The following CSGALNACT1 variants were observed in gnomAD, a reference collection of about 807,000 sequenced individuals.
CSGALNACT1 encodes the protein beta4GalNAcT-1.
Under a neutral mutation model 51.0 loss-of-function variants are expected in CSGALNACT1, and 52 were observed. That is an observed-to-expected ratio of 1.02 (90% confidence interval 0.82 to 1.29). The LOEUF (loss-of-function observed/expected upper bound fraction) is 1.29. CSGALNACT1 is among the 50% of genes most tolerant of loss of function. The pLI, the probability that CSGALNACT1 is intolerant of heterozygous loss-of-function variation, is 0.00. For missense variants in CSGALNACT1, 935 were observed against 679.2 expected (o/e 1.38, Z -4.19); for synonymous variants, 341 against 254.4 (o/e 1.34, Z -3.24).
chr8:19,539,589 G>A (rs963822127), intron 3 of CSGALNACT1, among the ~76,000 whole-genome samples: 20 of 152,188 alleles, frequency 1.3e-4, no homozygotes, highest in Non-Finnish European at 7.3e-5. Context: ...GCAATATAAT[G>A]CAACCAAGAC....
intron 4 of CSGALNACT1, among the ~76,000 whole-genome samples, chr8:19,488,906 G>A (rs2073740323): frequency 6.6e-6 from 1 of 152,122 alleles, no homozygotes; most frequent in Non-Finnish European, 1.5e-5. Context: ...CTGCTCATGA[G>A]TCACAGCAGA....
chr8:19,446,508 C>A (rs545760104), intron 5 of CSGALNACT1, among the ~76,000 whole-genome samples: 2 of 152,234 alleles, frequency 1.3e-5, no homozygotes, highest in African/African-American at 2.4e-5. Context: ...TTCATTCATT[C>A]ATTCATTCAT....
At chr8:19,730,852 T>C (rs1426993831) in intron 1 of CSGALNACT1, among the ~76,000 whole-genome samples, 2 of 152,198 alleles carry the variant, frequency 1.3e-5, no homozygotes, top group African/African-American at 4.8e-5. Flanking sequence ...CAGACTCCAA[T>C]GGCCACTGGC....
rs146761670 is a variant in CSGALNACT1, at chr8:19,506,767, G to C, written c.-296-637C>G. Among the ~76,000 whole-genome samples the C allele has an allele frequency of 1.8e-3, 281 of 152,262 alleles. 2 individuals are homozygous for C. Among genetic ancestry groups the C allele is most frequent in the African/African-American group, 6.4e-3 (267 of 41,536 alleles). ...CTCCCTCCTGCTCCCACCATATAAT[G>C]CCTGCTGACCGTCACCTTCCACCAT... On this transcript the variant is annotated intron_variant, in intron 3 of 9. Coordinates refer to ENST00000454498, the Ensembl canonical transcript of CSGALNACT1.
In CSGALNACT1 at chr8:19,405,914, G is replaced by A; in HGVS notation, c.1465C>T (p.Gln489Ter). The change falls in exon 10 of 10, where the codon CAG becomes TAG. Residue 489 changes from glutamine (Q) to a stop codon, truncating the protein, a stop_gained. Coordinates refer to ENST00000454498, the Ensembl canonical transcript of CSGALNACT1. LOFTEE classifies it high-confidence loss of function. ...TTGGACTGCATGCACATCTTGTACTGCTCGGGGGTCAGCTCGTCCATGCAG... is the reference window on the plus strand; with the variant it reads ...TTGGACTGCATGCACATCTTGTACTACTCGGGGGTCAGCTCGTCCATGCAG... 6.2e-7 allele frequency: 1 copy of A among 1,614,138 alleles called. No individual in the cohort carries two copies. The highest frequency in any genetic ancestry group is 8.5e-7 in the Non-Finnish European group (1 of 1,180,016).
chr8:19,604,067 C>T (rs1239794653), upstream of CSGALNACT1, among the ~76,000 whole-genome samples: 1 of 152,326 alleles, frequency 6.6e-6, no homozygotes, highest in African/African-American at 2.4e-5. Flanking sequence ...AAAGTCTGCT[C>T]TTCAGCTCTG....
chr8:19,519,970 C>A (rs28581643), intron 3 of CSGALNACT1, among the ~76,000 whole-genome samples: 1 of 152,196 alleles, frequency 6.6e-6, no homozygotes, highest in African/African-American at 2.4e-5. Flanking sequence ...GGTGCCAGCA[C>A]CCACTGTGGC....
At chr8:19,553,869 G>C (rs2088952055) in intron 3 of CSGALNACT1, among the ~76,000 whole-genome samples, 1 of 149,234 alleles carries the variant, frequency 6.7e-6, no homozygotes, top group Non-Finnish European at 1.5e-5. Context: ...ATGTCATGAG[G>C]AAAATAATCA....
chr8:19,602,484 C>G (rs552320926), exon 1 of CSGALNACT1: 13 of 152,730 alleles, frequency 8.5e-5, no homozygotes, highest in African/African-American at 3.1e-4. Context: ...CTGGTGAGGA[C>G]CGAGCGCATC....
chr8:19,411,833 CT>C (rs35593808), intron 8 of CSGALNACT1, among the ~76,000 whole-genome samples: 52,587 of 135,438 alleles, frequency 0.39, 9,954 homozygotes, highest in African/African-American at 0.5. Context: ...CACTATCCTC[CT>C]TTTTTTTTTT....
intron 4 of CSGALNACT1, among the ~76,000 whole-genome samples, chr8:19,490,044 T>C (rs1327984653): frequency 6.6e-6 from 1 of 152,216 alleles, no homozygotes; most frequent in Non-Finnish European, 1.5e-5. Flanking sequence ...CTGGACCATC[T>C]GTTCTTTTGA....
rs901386963 is a variant in CSGALNACT1, at chr8:19,552,641, C to T, written c.-297+38519G>A. Among the ~76,000 whole-genome samples the T allele has an allele frequency of 3.3e-5, 5 of 152,200 alleles. No homozygotes were observed. The South Asian group carries it at 6.2e-4, about 19-fold the overall frequency. On this transcript the variant is annotated intron_variant, in intron 3 of 9. Transcript: ENST00000454498. ...GACTTTTTATACATTAAAAACATGA[C>T]GACATTCAAAATGTGGATGGCACTT...
intron 5 of CSGALNACT1, among the ~76,000 whole-genome samples, chr8:19,450,734 G>A (rs1443997048): frequency 2.6e-5 from 4 of 152,030 alleles, no homozygotes; most frequent in Non-Finnish European, 5.9e-5. Context: ...CTGGGCAACA[G>A]AGCAAGACTT....
chr8:19,680,557 T>TCTCCCCC (rs2060521860), intron 1 of CSGALNACT1, among the ~76,000 whole-genome samples: 1 of 13,782 alleles, frequency 7.3e-5, no homozygotes, highest in East Asian at 2.2e-3. Flanking sequence ...ATCTGCACCC[T>TCTCCCCC]CGCCCCACCC....
intron 1 of CSGALNACT1, among the ~76,000 whole-genome samples, chr8:19,608,002 A>C (rs2051637020): frequency 6.6e-6 from 1 of 152,246 alleles, no homozygotes; most frequent in Non-Finnish European, 1.5e-5. Context: ...TAATGCTTAA[A>C]GTTGTAGACT....
At chr8:19,620,431 T>A (rs1391242016) in intron 1 of CSGALNACT1, among the ~76,000 whole-genome samples, 1 of 101,688 alleles carries the variant, frequency 9.8e-6, no homozygotes, top group African/African-American at 6.0e-5. Context: ...GAAAAGAATC[T>A]TTTTTTTTTT....
chr8:19,676,639 G>A (rs1162609625), intron 1 of CSGALNACT1, among the ~76,000 whole-genome samples: 1 of 152,154 alleles, frequency 6.6e-6, no homozygotes, highest in Admixed American at 6.5e-5. Flanking sequence ...AAGAAATTAA[G>A]ACCAAAAATC....
At chr8:19,456,590 TA>T (rs1292375338) in intron 5 of CSGALNACT1, among the ~76,000 whole-genome samples, 1 of 152,166 alleles carries the variant, frequency 6.6e-6, no homozygotes, top group Non-Finnish European at 1.5e-5. Flanking sequence ...AGGGAAAACC[TA>T]CAGAGAAAGA....
intron 4 of CSGALNACT1, among the ~76,000 whole-genome samples, chr8:19,461,604 G>A (rs796165928): frequency 1.9e-3 from 43 of 22,132 alleles, no homozygotes; most frequent in African/African-American, 3.9e-3. Flanking sequence ...TCCGCACAGC[G>A]GCCACATTCA....
Sources: allele counts gnomAD v4.1 joint callset (sites outside exome capture counted in the v4.1 genomes callset), GRCh38; gene constraint gnomAD v4.1.1; transcripts MANE v1.5; gene names NCBI Gene and HGNC (gene_info 2026-07-23, HGNC 2026-07-21).